The following DAB2IP variants were observed in gnomAD, a reference collection of about 807,000 sequenced individuals.
The protein encoded by DAB2IP is DAB2 interacting protein, also known as disabled homolog 2-interacting protein.
DAB2IP carries 28 observed loss-of-function variants against 107.2 expected under a neutral mutation model. The ratio of observed to expected loss-of-function variants is 0.26; its 90% CI spans 0.19 to 0.36. DAB2IP has a LOEUF of 0.36. Ranked by LOEUF, DAB2IP falls within the 10% of genes least tolerant of loss-of-function variation. The pLI is 1.00. For synonymous variants in DAB2IP, 755 were observed against 706.4 expected (o/e 1.07, Z -1.09); for missense variants, 1,400 against 1,644.7 (o/e 0.85, Z 2.57).
intron 1 of DAB2IP, among the ~76,000 whole-genome samples, chr9:121,579,151 CTG>C (rs1196312680): frequency 6.6e-6 from 1 of 152,114 alleles, no homozygotes; most frequent in African/African-American, 2.4e-5. Flanking sequence ...GTTTTCCCAC[CTG>C]TGAGATGGGA....
rs1453632422 is a variant in DAB2IP, at chr9:121,772,577, C to A, written c.2079-30C>A. 6.3e-7 allele frequency: 1 copy of A among 1,586,858 alleles called. No homozygotes were observed. The highest frequency in any genetic ancestry group is 8.6e-7 in the Non-Finnish European group (1 of 1,164,210). On this transcript the variant is annotated intron_variant, in intron 11 of 15. Coordinates refer to ENST00000408936, the Ensembl canonical transcript of DAB2IP. The surrounding 1 kb of genome is among the most constrained non-coding windows in gnomAD (Gnocchi z 4.7). ...CACTCACAGTTCTTCTTTTCCCCTT[C>A]TTTCCCTGTGTGTGCTTGTCTCCCT...
At chr9:121,670,450 A>T (rs1833629377) in intron 1 of DAB2IP, among the ~76,000 whole-genome samples, 1 of 152,230 alleles carries the variant, frequency 6.6e-6, no homozygotes, top group South Asian at 2.1e-4. Flanking sequence ...GCTCTAGGGA[A>T]AAACCCATTT....
chr9:121,642,036 T>C (rs1309442172), intron 1 of DAB2IP, among the ~76,000 whole-genome samples: 6 of 42,462 alleles, frequency 1.4e-4, no homozygotes, highest in African/African-American at 5.4e-4. Flanking sequence ...TCTCTCTTTC[T>C]TTCTTTCTTT....
chr9:121,737,218 G>T (rs1031385682), intron 3 of DAB2IP: 6 of 980,508 alleles, frequency 6.1e-6, no homozygotes, highest in Non-Finnish European at 7.2e-6. Flanking sequence ...CCCAGAGGGC[G>T]ACTTGCCATG....
intron 12 of DAB2IP, among the ~76,000 whole-genome samples, chr9:121,773,723 T>G (rs1834954813): frequency 6.6e-6 from 1 of 152,164 alleles, no homozygotes; most frequent in Non-Finnish European, 1.5e-5. Context: ...CCTCTGTCAG[T>G]GCCCCTAGGG....
At chr9:121,577,143 C>G (rs1830080056) in intron 1 of DAB2IP, among the ~76,000 whole-genome samples, 1 of 152,254 alleles carries the variant, frequency 6.6e-6, no homozygotes, top group South Asian at 2.1e-4. Flanking sequence ...TCGCCCAGCA[C>G]AGGGACAGAC....
chr9:121,710,241 A>T (rs1045465578), intron 3 of DAB2IP, among the ~76,000 whole-genome samples: 2 of 152,188 alleles, frequency 1.3e-5, no homozygotes, highest in African/African-American at 4.8e-5. Context: ...ATTTGCATCC[A>T]GGTCTTTCTA....
At chr9:121,677,599 C>T (rs1397045300) in intron 1 of DAB2IP, among the ~76,000 whole-genome samples, 1 of 152,166 alleles carries the variant, frequency 6.6e-6, no homozygotes, top group African/African-American at 2.4e-5. Flanking sequence ...TATCTGTCTG[C>T]TTATATGCCT....
intron 3 of DAB2IP, among the ~76,000 whole-genome samples, chr9:121,732,514 GA>G (rs1321557792): frequency 1.3e-5 from 2 of 152,140 alleles, no homozygotes; most frequent in African/African-American, 4.8e-5. Flanking sequence ...GGTCTGGAGG[GA>G]GAAGGGGATC....
chr9:121,654,309 A>G (rs1832885867), intron 1 of DAB2IP, among the ~76,000 whole-genome samples: 1 of 152,100 alleles, frequency 6.6e-6, no homozygotes, highest in African/African-American at 2.4e-5. Flanking sequence ...GGGGAAGAGC[A>G]GGCAACAGTA....
At chr9:121,764,275 G>A (rs997350113) in intron 8 of DAB2IP, among the ~76,000 whole-genome samples, 1 of 152,210 alleles carries the variant, frequency 6.6e-6, no homozygotes, top group African/African-American at 2.4e-5. Flanking sequence ...TTGTGATGGG[G>A]CCAAGCAGGG....
intron 1 of DAB2IP, among the ~76,000 whole-genome samples, chr9:121,627,646 G>C (rs546617075): frequency 1.3e-5 from 2 of 152,304 alleles, no homozygotes; most frequent in South Asian, 4.2e-4. Context: ...GGCTGGGCTA[G>C]GGCTGGGGCA....
At chr9:121,646,736 G>A (rs1315032755), upstream of DAB2IP, among the ~76,000 whole-genome samples, 5 of 152,074 alleles carry the variant, frequency 3.3e-5, no homozygotes, top group East Asian at 9.7e-4. Flanking sequence ...GTCGCCCCTA[G>A]CCTCCTCCTG....
rs181173726 is a variant in DAB2IP at position 121,667,952 on chromosome 9, T to A, written c.125-10726T>A. On this transcript the variant is annotated intron_variant, in intron 1 of 15. Transcript: ENST00000408936. Reference sequence around the variant, plus strand: ...AATCATGGCGGGAGGTGAAAGGCACTTCTTACATGGTGGTGGAAAGAGAAA... The same window carrying A: ...AATCATGGCGGGAGGTGAAAGGCACATCTTACATGGTGGTGGAAAGAGAAA... Among the ~76,000 whole-genome samples, 3 of 152,252 alleles carry A rather than the reference T, an allele frequency of 2.0e-5. No homozygotes were observed. In the East Asian group the frequency reaches 5.8e-4, roughly 29 times the overall value.
chr9:121,711,705 A>G lies in DAB2IP; in HGVS notation c.362+12247A>G, dbSNP rs372598700. ...CAGCAACAGGTAGTGGGTCATATGTATTTGAAAAAAGTCATCCTAGGTCCT... is the reference window on the plus strand; with the variant it reads ...CAGCAACAGGTAGTGGGTCATATGTGTTTGAAAAAAGTCATCCTAGGTCCT... On this transcript the variant is annotated intron_variant, in intron 3 of 15. Coordinates refer to ENST00000408936, the Ensembl canonical transcript of DAB2IP. 4.9e-4 allele frequency among the ~76,000 whole-genome samples: 74 copies of G among 152,264 alleles called. No homozygotes were observed. The East Asian group carries it at 7.1e-3, about 15-fold the overall frequency.
intron 3 of DAB2IP, among the ~76,000 whole-genome samples, chr9:121,711,940 T>G (rs1479188820): frequency 6.6e-6 from 1 of 152,226 alleles, no homozygotes; most frequent in Non-Finnish European, 1.5e-5. Flanking sequence ...AGACTCCCTC[T>G]GCAGAAGGCA....
chr9:121,756,942 A>T (rs1390965385), intron 3 of DAB2IP, 71 bp from the exon 4 acceptor site: 1 of 1,606,106 alleles, frequency 6.2e-7, no homozygotes, highest in African/African-American at 1.3e-5. Context: ...GCCAGGGCAG[A>T]TGGGTGGGAC....
At chr9:121,769,940 C>T (rs1053731977) in intron 10 of DAB2IP, among the ~76,000 whole-genome samples, 1 of 152,226 alleles carries the variant, frequency 6.6e-6, no homozygotes, top group Non-Finnish European at 1.5e-5. Flanking sequence ...TGTTTTCTCA[C>T]AGAGACCTCT....
At chr9:121,616,755 T>A (rs1589412688) in intron 1 of DAB2IP, among the ~76,000 whole-genome samples, 1 of 152,206 alleles carries the variant, frequency 6.6e-6, no homozygotes, top group African/African-American at 2.4e-5. Flanking sequence ...GGCCCGACCC[T>A]GGCCCTCACC....
Sources: gnomAD v4.1 joint callset for allele counts (sites outside exome capture counted in the v4.1 genomes callset) on GRCh38, gnomAD v4.1.1 for gene constraint, Gnocchi (gnomAD v3.1) non-coding constraint, MANE v1.5 for transcripts, NCBI Gene and HGNC (gene_info 2026-07-23, HGNC 2026-07-21) for gene names.